IL6R: variants seen among roughly 807,000 people sequenced by gnomAD.
The protein encoded by IL6R is interleukin-6 receptor subunit alpha.
A neutral mutation model predicts 48.3 loss-of-function variants in IL6R; 38 were observed. The ratio of observed to expected loss-of-function variants is 0.79; its 90% CI spans 0.61 to 1.03. The LOEUF (loss-of-function observed/expected upper bound fraction) is 1.03, where lower values mean the gene tolerates loss of function less well. IL6R is among the 50% of genes least tolerant of loss of function. The pLI, the probability that IL6R is intolerant of heterozygous loss-of-function variation, is 0.00. For missense variants in IL6R, 534 were observed against 618.3 expected (o/e 0.86, Z 1.45); for synonymous variants, 264 against 256.2 (o/e 1.03, Z -0.29).
At chr1:154,421,681 A>C (rs1464699313) in intron 1 of IL6R, among the ~76,000 whole-genome samples, 1 of 150,724 alleles carries the variant, frequency 6.6e-6, no homozygotes, top group East Asian at 2.0e-4. Flanking sequence ...GTGCAGTGGC[A>C]CAATCACAGC....
chr1:154,418,890 C>G (rs534852431), intron 1 of IL6R, among the ~76,000 whole-genome samples: 1 of 152,126 alleles, frequency 6.6e-6, no homozygotes, highest in Non-Finnish European at 1.5e-5. Flanking sequence ...CTGACCCCCC[C>G]TTGTGCACAC....
At chr1:154,462,505 C>G (rs1691323358) in intron 9 of IL6R, among the ~76,000 whole-genome samples, 1 of 151,982 alleles carries the variant, frequency 6.6e-6, no homozygotes, top group Admixed American at 6.6e-5. Context: ...TCCTGAGTAG[C>G]TGGGATTACA....
rs1423409957 is a variant in IL6R at position 154,465,305 on chromosome 1, C to A, written c.1332C>A (p.Ser444Arg). 6.2e-7 allele frequency: 1 copy of A among 1,614,180 alleles called. No individual in the cohort carries two copies. Among genetic ancestry groups the A allele is most frequent in the South Asian group, 1.1e-5 (1 of 91,076 alleles). Reference sequence around the variant, plus strand: ...GCCTGGGGTCTGACAATACCTCGAGCCACAACCGACCAGATGCCAGGGACC... The same window carrying A: ...GCCTGGGGTCTGACAATACCTCGAGACACAACCGACCAGATGCCAGGGACC... ...PSSLGSDNTS[S>R]HNRPDARDPR... The change falls in exon 10 of 10, where the codon AGC becomes AGA. Residue 444 changes from serine (S) to arginine (R), a missense_variant. Transcript: ENST00000368485.
chr1:154,406,164 TC>T (rs1396862265), intron 1 of IL6R, among the ~76,000 whole-genome samples: 1 of 151,970 alleles, frequency 6.6e-6, no homozygotes, highest in Non-Finnish European at 1.5e-5. Flanking sequence ...GCATTGGGGG[TC>T]CACCTCGCCT....
At chr1:154,409,807 T>G (rs1490762276) in intron 1 of IL6R, among the ~76,000 whole-genome samples, 1 of 152,126 alleles carries the variant, frequency 6.6e-6, no homozygotes, top group Non-Finnish European at 1.5e-5. Context: ...GTATGTGGTA[T>G]GCTAGCGACT....
chr1:154,415,402 C>A (rs1026658553), intron 1 of IL6R, among the ~76,000 whole-genome samples: 1 of 152,180 alleles, frequency 6.6e-6, no homozygotes, highest in Non-Finnish European at 1.5e-5. Context: ...TTTCCCCCAC[C>A]AATTTTCAAA....
Position 154,405,650 on chromosome 1 carries a change from G to T in IL6R, c.21G>T (p.Ala7=), listed in dbSNP as rs777001411. ...GAAGCATGCTGGCCGTCGGCTGCGCGCTGCTGGCTGCCCTGCTGGCCGCGC... is the reference window on the plus strand; with the variant it reads ...GAAGCATGCTGGCCGTCGGCTGCGCTCTGCTGGCTGCCCTGCTGGCCGCGC... MLAVGC[A]LLAALLAAPG... Residue 7 remains alanine (A), a synonymous_variant, in exon 1 of 10, where the codon GCG becomes GCT. Transcript: ENST00000368485. This position sits in a 1 kb window ranked among gnomAD's most constrained non-coding sequence, Gnocchi z 5.2. 1.3e-6 allele frequency: 2 copies of T among 1,533,392 alleles called. No homozygotes were observed. The highest frequency in any genetic ancestry group is 2.4e-5 in the South Asian group (2 of 84,030). 95.0% of individuals were successfully genotyped at this position (1,533,392 alleles called of 1,614,324 possible). A position where few individuals can be genotyped will look rare whatever the true frequency, so the allele number is the denominator to read the frequency against.
rs1402668893 is a variant in IL6R, at chr1:154,468,846, G to C, written c.*3466G>C. ...GCACGTCCAGAAGGCTAACCCAGGT[G>C]GGGAGGATGCTGACACCAGCTCCAG... On this transcript the variant is annotated 3_prime_UTR_variant, in exon 10 of 10. Coordinates refer to ENST00000368485, the MANE Select transcript of IL6R (RefSeq NM_000565.4). The C allele has an allele frequency of 3.3e-5, 5 of 152,346 alleles. No homozygotes were observed. The highest frequency in any genetic ancestry group is 5.9e-5 in the Non-Finnish European group (4 of 68,110). The allele number at this position is 152,346 out of a possible 1,614,324, so 9.4% of individuals were successfully genotyped here. A position where few individuals can be genotyped will look rare whatever the true frequency, so the allele number is the denominator to read the frequency against.
chr1:154,430,415 T>C (rs954910101), intron 2 of IL6R, 68 bp from the exon 3 acceptor site: 8 of 1,583,574 alleles, frequency 5.1e-6, no homozygotes, highest in South Asian at 1.1e-5. Context: ...GAGGCTGCCC[T>C]GTCTGCGAGG....
chr1:154,435,238 G>GC, intron 5 of IL6R, 82 bp downstream of exon 5: 1 of 1,320,168 alleles, frequency 7.6e-7, no homozygotes, highest in African/African-American at 1.4e-5. Context: ...GGCCAGGCAT[G>GC]GTGGCTCACG....
rs1422656960 is a variant in IL6R, at chr1:154,405,873, G to A, written c.85+159G>A. ...AGGCCCCGCGGGTACCTAGCTGTGTGGTCGCGGGTAGTGGCTCTTGCGCCC... is the reference window on the plus strand; with the variant it reads ...AGGCCCCGCGGGTACCTAGCTGTGTAGTCGCGGGTAGTGGCTCTTGCGCCC... On this transcript the variant is annotated intron_variant, in intron 1 of 9. Coordinates refer to ENST00000368485, the MANE Select transcript of IL6R (RefSeq NM_000565.4). The surrounding 1 kb of genome is among the most constrained non-coding windows in gnomAD (Gnocchi z 5.2). Among the ~76,000 whole-genome samples the A allele has an allele frequency of 1.3e-5, 2 of 152,292 alleles. No individual in the cohort carries two copies. Among genetic ancestry groups the A allele is most frequent in the East Asian group, 3.9e-4 (2 of 5,170 alleles).
Position 154,454,601 on chromosome 1 carries a change from A to T in IL6R, c.1160+20A>T. 6.5e-7 allele frequency: 1 copy of T among 1,535,680 alleles called. No homozygotes were observed. The highest frequency in any genetic ancestry group is 9.0e-7 in the Non-Finnish European group (1 of 1,108,678). On this transcript the variant is annotated intron_variant, in intron 9 of 9. Transcript: ENST00000368485. ...TCTGAGGTGAGATGGGTCCCAGGGG[A>T]TGGCCCTGTGGTGTTCTCATATTTC...
At chr1:154,448,205 G>T (rs773492485) in intron 7 of IL6R, 34 bp downstream of exon 7, 2 of 1,584,902 alleles carry the variant, frequency 1.3e-6, no homozygotes, top group South Asian at 1.1e-5. Flanking sequence ...GGTCAGGGCT[G>T]CAGCACCTCG....
chr1:154,429,282 G>T lies in IL6R; in HGVS notation c.172G>T (p.Val58Phe), dbSNP rs1455492560. The T allele has an allele frequency of 5.0e-6, 8 of 1,614,046 alleles. No individual in the cohort carries two copies. The African/African-American group carries it at 9.3e-5, about 19-fold the overall frequency. Residue 58 changes from valine (V) to phenylalanine (F), a missense_variant, in exon 2 of 10, where the codon GTT becomes TTT. Coordinates refer to ENST00000368485, the MANE Select transcript of IL6R (RefSeq NM_000565.4). ...PGVEPEDNAT[V>F]HWVLRKPAAG... The stretch of plus-strand genomic sequence containing the variant: ...GGTAGAGCCGGAAGACAATGCCACT[G>T]TTCACTGGGTGCTCAGGAAGCCGGC...
In IL6R at chr1:154,448,158, C is replaced by A; in HGVS notation, c.983C>A (p.Ser328Tyr). ...SRSPPAENEV[S>Y]TPMQALTTNK... The stretch of plus-strand genomic sequence containing the variant: ...AGTCCTCCAGCTGAGAACGAGGTGT[C>A]CACCCCCATGCAGGTGAGCTCCTGT... Residue 328 changes from serine (S) to tyrosine (Y), a missense_variant, in exon 7 of 10, where the codon TCC (serine) becomes TAC (tyrosine). Transcript: ENST00000368485. 3.7e-6 allele frequency: 6 copies of A among 1,613,544 alleles called. No homozygotes were observed. The highest frequency in any genetic ancestry group is 5.1e-6 in the Non-Finnish European group (6 of 1,179,674).
At chr1:154,422,008 G>A (rs145262901) in intron 1 of IL6R, among the ~76,000 whole-genome samples, 1,616 of 151,898 alleles carry the variant, frequency 0.011, 11 homozygotes, top group Admixed American at 0.021. Flanking sequence ...GTGCAATGGT[G>A]CAATCTCAGT....
intron 1 of IL6R, among the ~76,000 whole-genome samples, chr1:154,418,164 A>G (rs1438331061): frequency 1.3e-5 from 2 of 152,214 alleles, no homozygotes; most frequent in Non-Finnish European, 2.9e-5. Context: ...GCTGCCGCAC[A>G]TGGCCTTAGA....
chr1:154,430,630 G>GTA (rs1048407549), intron 3 of IL6R, 24 bp downstream of exon 3: 12 of 1,614,018 alleles, frequency 7.4e-6, no homozygotes, highest in Non-Finnish European at 1.0e-5. Context: ...GCTGAGCTAT[G>GTA]TGCATGTTGG....
intron 1 of IL6R, among the ~76,000 whole-genome samples, chr1:154,422,519 A>G (rs1476906538): frequency 6.6e-6 from 1 of 152,204 alleles, no homozygotes; most frequent in Non-Finnish European, 1.5e-5. Flanking sequence ...TGCATTGTAG[A>G]TGCTCAGTAG....
Sources: allele counts gnomAD v4.1 joint callset (sites outside exome capture counted in the v4.1 genomes callset), GRCh38; gene constraint gnomAD v4.1.1; non-coding constraint Gnocchi (gnomAD v3.1); transcripts MANE v1.5; gene names NCBI Gene and HGNC (gene_info 2026-07-23, HGNC 2026-07-21).